CLTCL1: variants seen among roughly 807,000 people sequenced by gnomAD.
CLTCL1 encodes clathrin heavy chain 2.
CLTCL1 carries 159 observed loss-of-function variants against 190.0 expected under a neutral mutation model. That is an observed-to-expected ratio of 0.84 (90% CI 0.74 to 0.95). CLTCL1 has a LOEUF of 0.95. CLTCL1 is among the 40% of genes least tolerant of loss of function. The pLI, the probability that CLTCL1 is intolerant of heterozygous loss-of-function variation, is 0.00. For synonymous variants in CLTCL1, 752 were observed against 769.6 expected (o/e 0.98, Z 0.38); for missense variants, 1,878 against 2,033.4 (o/e 0.92, Z 1.47).
In CLTCL1 at chr22:19,275,634, A is replaced by G. The variant is rs200566798; in HGVS notation, c.239T>C (p.Ile80Thr). ...SAIMNPASKV[I>T]ALKAGKTLQI... ...CCCATCGGGTTTACCTTTCAGAGCTATCACCTTAGAGGCTGGATTCATGAT... is the reference window on the plus strand; with the variant it reads ...CCCATCGGGTTTACCTTTCAGAGCTGTCACCTTAGAGGCTGGATTCATGAT... Residue 80 changes from isoleucine to threonine, a missense_variant, in exon 2 of 33, where the codon ATA becomes ACA. Transcript: ENST00000427926. 29 of 1,603,088 alleles carry G rather than the reference A, an allele frequency of 1.8e-5. No homozygotes were observed. In the East Asian group the frequency reaches 6.3e-4, roughly 35 times the overall value.
chr22:19,247,355 T>C (rs1555968336), intron 3 of CLTCL1, among the ~76,000 whole-genome samples: 1 of 152,226 alleles, frequency 6.6e-6, no homozygotes, highest in South Asian at 2.1e-4. Flanking sequence ...TTGGTCTACA[T>C]GTCTATTCTT....
At chr22:19,209,207 G>T in intron 20 of CLTCL1, 93 bp from the exon 21 acceptor site, 2 of 1,145,748 alleles carry the variant, frequency 1.7e-6, no homozygotes, top group Non-Finnish European at 2.4e-6. Flanking sequence ...TCTGCCTAAA[G>T]CTGCATGACC....
chr22:19,224,026 C>T lies in CLTCL1; in HGVS notation c.2157G>A (p.Val719=), dbSNP rs2064600973. Residue 719 remains valine, a synonymous_variant, in exon 14 of 33, where the codon GTG becomes GTA. Transcript: ENST00000427926. ...KGLFYFLGSI[V]NFSQDPDVHL... ...GCACATCTGGGTCTTGGCTGAAGTTCACGATTGAGCCCAGGAAGTAGAAGA... is the reference window on the plus strand; with the variant it reads ...GCACATCTGGGTCTTGGCTGAAGTTTACGATTGAGCCCAGGAAGTAGAAGA... 3 of 1,613,948 alleles carry T rather than the reference C, an allele frequency of 1.9e-6. No homozygotes were observed. Among genetic ancestry groups the T allele is most frequent in the Admixed American group, 1.7e-5 (1 of 60,016 alleles).
In CLTCL1 at chr22:19,180,214, G is replaced by A; in HGVS notation, c.*5C>T. The A allele has an allele frequency of 1.2e-5, 19 of 1,613,720 alleles. No individual in the cohort carries two copies. Among genetic ancestry groups the A allele is most frequent in the Non-Finnish European group, 1.6e-5 (19 of 1,179,764 alleles). On this transcript the variant is annotated 3_prime_UTR_variant, in exon 32 of 33. Transcript: ENST00000427926. ...GGACACTTACTTAGTGCAATCAGCT[G>A]GGTCTCATTCATGCCCATCAAAATC...
rs145486269 is a variant in CLTCL1, at chr22:19,228,508, C to T, written c.1782+1330G>A. ...ATACACTCACAAAGTCATGAGAGTCCAGTAGACCCCAAGCAGCAAATTAAC... is the reference window on the plus strand; with the variant it reads ...ATACACTCACAAAGTCATGAGAGTCTAGTAGACCCCAAGCAGCAAATTAAC... On this transcript the variant is annotated intron_variant, in intron 11 of 32. Transcript: ENST00000427926. Among the ~76,000 whole-genome samples the T allele has an allele frequency of 1.2e-3, 177 of 152,298 alleles. 1 individual carries two copies. The highest frequency in any genetic ancestry group is 3.9e-3 in the African/African-American group (163 of 41,576).
intron 5 of CLTCL1, among the ~76,000 whole-genome samples, chr22:19,237,095 A>G (rs1166112158): frequency 6.6e-6 from 1 of 152,218 alleles, no homozygotes. Flanking sequence ...AAGGTGCCAC[A>G]TATCACAAAT....
chr22:19,196,376 G>A lies in CLTCL1; in HGVS notation c.4081C>T (p.Leu1361=), dbSNP rs782245729. The A allele has an allele frequency of 1.2e-6, 2 of 1,613,940 alleles. No homozygotes were observed. The highest frequency in any genetic ancestry group is 2.7e-5 in the African/African-American group (2 of 74,942). Residue 1361 remains leucine (L), a synonymous_variant, in exon 26 of 33, where the codon CTG becomes TTG. Coordinates refer to ENST00000427926, the MANE Select transcript of CLTCL1 (RefSeq NM_007098.4). Reference sequence around the variant, plus strand: ...TCGTACTTGTCATAGAGGAACACCAGCTCAGCCCACAGGTGTGCCTGCTCT... The same window carrying A: ...TCGTACTTGTCATAGAGGAACACCAACTCAGCCCACAGGTGTGCCTGCTCT... The part of the protein sequence containing the change: ...AAEQAHLWAE[L]VFLYDKYEEY...
At chr22:19,249,619 C>T (rs1435890158) in intron 3 of CLTCL1, among the ~76,000 whole-genome samples, 1 of 151,854 alleles carries the variant, frequency 6.6e-6, no homozygotes, top group Non-Finnish European at 1.5e-5. Context: ...TCACTTGAAC[C>T]CAGGAGGTGG....
chr22:19,277,666 G>C (rs2087563820), intron 1 of CLTCL1, among the ~76,000 whole-genome samples: 1 of 152,164 alleles, frequency 6.6e-6, no homozygotes, highest in South Asian at 2.1e-4. Flanking sequence ...GCTAGGAGTG[G>C]TTTATTAAGC....
intron 3 of CLTCL1, among the ~76,000 whole-genome samples, chr22:19,245,762 A>T (rs2086399026): frequency 6.6e-6 from 1 of 152,182 alleles, no homozygotes; most frequent in Non-Finnish European, 1.5e-5. Context: ...ATAACAATAA[A>T]ATATGAGGCC....
At chr22:19,254,314 A>C (rs1009084971) in intron 2 of CLTCL1, 87 bp from the exon 3 acceptor site, 20 of 1,174,268 alleles carry the variant, frequency 1.7e-5, no homozygotes, top group Non-Finnish European at 2.3e-5. Context: ...GAATTCTTTT[A>C]ATATTACTTT....
chr22:19,187,508 G>A (rs1436703465), intron 29 of CLTCL1, 50 bp downstream of exon 29: 80 of 1,577,970 alleles, frequency 5.1e-5, no homozygotes, highest in Non-Finnish European at 6.7e-5. Context: ...AAGCCATCAG[G>A]AAACACACCA....
At position 19,200,485 on chromosome 22, in the gene CLTCL1, T is replaced by C. The variant is rs550573924; in HGVS notation, c.3766-644A>G. Among the ~76,000 whole-genome samples, 8 of 152,344 alleles carry C rather than the reference T, an allele frequency of 5.3e-5. No homozygotes were observed. The South Asian group carries it at 1.5e-3, about 28-fold the overall frequency. ...TATTCCTCGCATAATATTGGCAACA[T>C]CTTTTCCTGCAACTCTGCCTATTCA... is the stretch of plus-strand genomic sequence containing the variant. On this transcript the variant is annotated intron_variant, in intron 23 of 32. Coordinates refer to ENST00000427926, the MANE Select transcript of CLTCL1 (RefSeq NM_007098.4).
At chr22:19,208,523 TCAGGCCACCTCC>T (rs1224641701) in intron 21 of CLTCL1, among the ~76,000 whole-genome samples, 3 of 152,192 alleles carry the variant, frequency 2.0e-5, no homozygotes, top group Non-Finnish European at 2.9e-5. Flanking sequence ...AGAGCCACAC[TCAGGCCACCTCC>T]CTTAGAAAAG....
At position 19,196,356 on chromosome 22, in the gene CLTCL1, CTTGTCA is replaced by C; in HGVS notation, c.4095_4100del (p.Tyr1365_Lys1367delinsTer). 6.2e-7 allele frequency: 1 copy of C among 1,614,052 alleles called. No homozygotes were observed. Among genetic ancestry groups the C allele is most frequent in the African/African-American group, 1.3e-5 (1 of 75,068 alleles). On this transcript the variant is annotated stop_gained and inframe_deletion, in exon 26 of 33. Coordinates refer to ENST00000427926, the MANE Select transcript of CLTCL1 (RefSeq NM_007098.4). LOFTEE classifies it high-confidence loss of function. ...GCACAGCATTGTCATACTCCTCGTA[CTTGTCA>C]TAGAGGAACACCAGCTCAGCCCACA...
At chr22:19,252,797 G>A (rs189253070) in intron 3 of CLTCL1, among the ~76,000 whole-genome samples, 207 of 152,246 alleles carry the variant, frequency 1.4e-3, no homozygotes, top group African/African-American at 4.2e-3. Flanking sequence ...GGCGGATCAC[G>A]AGGTCAGGAG....
intron 2 of CLTCL1, chr22:19,258,403 T>G (rs1555973825): frequency 2.5e-6 from 1 of 405,042 alleles, no homozygotes; most frequent in African/African-American, 2.1e-5. Context: ...GAGATAACAC[T>G]CACAGAGCTG....
chr22:19,227,701 C>T (rs1193902523), intron 11 of CLTCL1, among the ~76,000 whole-genome samples: 1 of 152,152 alleles, frequency 6.6e-6, no homozygotes, highest in South Asian at 2.1e-4. Flanking sequence ...GATCCACCCG[C>T]CTTGGCCTCC....
At chr22:19,193,879 G>A (rs2084602801) in intron 26 of CLTCL1, among the ~76,000 whole-genome samples, 1 of 152,216 alleles carries the variant, frequency 6.6e-6, no homozygotes, top group African/African-American at 2.4e-5. Flanking sequence ...TTTAAACCTA[G>A]TGCAGACTCA....
Sources: gnomAD v4.1 joint callset for allele counts (sites outside exome capture counted in the v4.1 genomes callset) on GRCh38, gnomAD v4.1.1 for gene constraint, MANE v1.5 for transcripts, NCBI Gene and HGNC (gene_info 2026-07-23, HGNC 2026-07-21) for gene names.